ATP13A4: variants seen among roughly 807,000 people sequenced by gnomAD.
The protein encoded by ATP13A4 is ATPase 13A4, also known as probable cation-transporting ATPase 13A4.
ATP13A4 carries 114 observed loss-of-function variants against 142.5 expected under a neutral mutation model. That is an observed-to-expected ratio of 0.80 (90% CI 0.69 to 0.93). ATP13A4 has a LOEUF of 0.93. ATP13A4 is among the 40% of genes least tolerant of loss of function. The probability of loss-of-function intolerance (pLI) is 0.00; values close to 1 mark genes in which losing one functional copy is unlikely to be tolerated. For missense variants in ATP13A4, 1,392 were observed against 1,454.0 expected, an observed-to-expected ratio of 0.96 and a Z score of 0.69; for synonymous variants, 488 against 514.8, an observed-to-expected ratio of 0.95 and a Z score of 0.70.
intron 1 of ATP13A4, among the ~76,000 whole-genome samples, chr3:193,524,847 G>C (rs1332658848): frequency 6.6e-6 from 1 of 152,164 alleles, no homozygotes; most frequent in African/African-American, 2.4e-5. Context: ...CTCAGTGATA[G>C]CCAGACATGT....
intron 23 of ATP13A4, among the ~76,000 whole-genome samples, chr3:193,437,524 G>A (rs772298897): frequency 3.3e-5 from 5 of 152,092 alleles, no homozygotes; most frequent in African/African-American, 4.8e-5. Flanking sequence ...TTAATTCTAA[G>A]ACAATCTCTA....
intron 2 of ATP13A4, among the ~76,000 whole-genome samples, chr3:193,508,544 T>C (rs1015108887): frequency 3.9e-5 from 6 of 152,224 alleles, no homozygotes; most frequent in African/African-American, 7.2e-5. Flanking sequence ...GACAACTATA[T>C]GTAAATTGTT....
chr3:193,530,368 A>G (rs1344364344), intron 1 of ATP13A4, among the ~76,000 whole-genome samples: 7 of 152,152 alleles, frequency 4.6e-5, no homozygotes. Flanking sequence ...CAGGTTCAAA[A>G]CCAAACTCAT....
At chr3:193,437,099 G>A (rs796426392) in intron 23 of ATP13A4, among the ~76,000 whole-genome samples, 12 of 109,570 alleles carry the variant, frequency 1.1e-4, no homozygotes, top group African/African-American at 4.9e-4. Context: ...GTGAGACTCC[G>A]TCTCAAAAAA....
chr3:193,430,691 C>T (rs945668682), intron 25 of ATP13A4, among the ~76,000 whole-genome samples: 1 of 151,992 alleles, frequency 6.6e-6, no homozygotes, highest in African/African-American at 2.4e-5. Context: ...CACAGCTTGA[C>T]AATGTACTAG....
At chr3:193,442,708 C>T in intron 18 of ATP13A4, 152 bp from the exon 19 acceptor site, 1 of 760,404 alleles carries the variant, frequency 1.3e-6, no homozygotes, top group East Asian at 2.7e-5. Context: ...CCTTCTGTGA[C>T]TCCATGATCC....
chr3:193,441,610 T>C (rs773588315), intron 19 of ATP13A4, 22 bp from the exon 20 acceptor site: 1 of 1,611,192 alleles, frequency 6.2e-7, no homozygotes, highest in Non-Finnish European at 8.5e-7. Flanking sequence ...GACACAGTTA[T>C]TTTAGACTCT....
At chr3:193,467,813 G>A (rs746490338) in intron 9 of ATP13A4, among the ~76,000 whole-genome samples, 3 of 152,114 alleles carry the variant, frequency 2.0e-5, no homozygotes, top group Non-Finnish European at 1.5e-5. Context: ...GTGGAGTGTG[G>A]AGAATAAAGG....
chr3:193,474,344 A>AAAAAAC (rs1560213836), intron 8 of ATP13A4, among the ~76,000 whole-genome samples: 13 of 101,752 alleles, frequency 1.3e-4, no homozygotes, highest in East Asian at 9.1e-4. Context: ...AAAAAAAAAA[A>AAAAAAC]AAACAAACAA....
intron 2 of ATP13A4, among the ~76,000 whole-genome samples, chr3:193,512,666 G>C (rs2108683718): frequency 6.6e-6 from 1 of 152,290 alleles, no homozygotes; most frequent in Non-Finnish European, 1.5e-5. Flanking sequence ...CCAGCAAGCT[G>C]TTCCGATAGC....
intron 1 of ATP13A4, among the ~76,000 whole-genome samples, chr3:193,552,710 G>A (rs1049639194): frequency 6.6e-6 from 1 of 152,168 alleles, no homozygotes; most frequent in African/African-American, 2.4e-5. Context: ...CTATGTTCAG[G>A]TCCAGAGACA....
intron 8 of ATP13A4, among the ~76,000 whole-genome samples, chr3:193,483,708 C>A (rs912992035): frequency 2.0e-5 from 3 of 152,154 alleles, no homozygotes; most frequent in Non-Finnish European, 4.4e-5. Context: ...TCGTGATCAG[C>A]CCGCCTCGGC....
chr3:193,499,520 C>T (rs1307628400), intron 3 of ATP13A4, among the ~76,000 whole-genome samples: 1 of 152,190 alleles, frequency 6.6e-6, no homozygotes, highest in African/African-American at 2.4e-5. Context: ...TTTTCCTCTT[C>T]ACTTTGCGCC....
intron 1 of ATP13A4, among the ~76,000 whole-genome samples, chr3:193,589,959 CAAA>C (rs35624117): frequency 1.7e-4 from 14 of 83,888 alleles, no homozygotes; most frequent in Non-Finnish European, 2.2e-4. Context: ...GTTCTTTTGC[CAAA>C]AAAAAAAAAA....
At chr3:193,437,199 T>C (rs900224814) in intron 23 of ATP13A4, among the ~76,000 whole-genome samples, 10 of 149,622 alleles carry the variant, frequency 6.7e-5, no homozygotes, top group African/African-American at 1.2e-4. Context: ...TAGTTTCTCC[T>C]TATTGCTTAG....
At chr3:193,481,343 A>T (rs563568606) in intron 8 of ATP13A4, among the ~76,000 whole-genome samples, 8 of 152,342 alleles carry the variant, frequency 5.3e-5, no homozygotes, top group African/African-American at 1.7e-4. Flanking sequence ...GCATGTTTTG[A>T]ACTTTATATT....
intron 3 of ATP13A4, among the ~76,000 whole-genome samples, chr3:193,498,462 A>C (rs1410706996): frequency 6.6e-6 from 1 of 152,128 alleles, no homozygotes; most frequent in Admixed American, 6.5e-5. Context: ...TGTGAATGTG[A>C]ATTTCCGTGA....
chr3:193,496,381 C>A lies in ATP13A4; in HGVS notation c.382-3221G>T, dbSNP rs1720225326. 2.0e-5 allele frequency among the ~76,000 whole-genome samples: 3 copies of A among 152,132 alleles called. No individual in the cohort carries two copies. The South Asian group carries it at 6.2e-4, about 31-fold the overall frequency. ...GCTGGCAGAGAAATAGACATATAGA[C>A]CAATGGAACCACATAGAGAAAACAG... On this transcript the variant is annotated intron_variant, in intron 3 of 29. Coordinates refer to ENST00000342695, the MANE Select transcript of ATP13A4 (RefSeq NM_032279.4).
At chr3:193,549,544 T>C (rs1373021451) in intron 1 of ATP13A4, among the ~76,000 whole-genome samples, 3 of 152,156 alleles carry the variant, frequency 2.0e-5, no homozygotes, top group Admixed American at 6.5e-5. Flanking sequence ...AAAAAATACA[T>C]ATTGGCCAGG....
Sources: allele counts gnomAD v4.1 joint callset (sites outside exome capture counted in the v4.1 genomes callset), GRCh38; gene constraint gnomAD v4.1.1; transcripts MANE v1.5; gene names NCBI Gene and HGNC (gene_info 2026-07-23, HGNC 2026-07-21).